Variants in ANKLE1 observed in about 807,000 individuals in gnomAD.
ANKLE1 encodes the protein structure-specific endonuclease ANKLE1.
A neutral mutation model predicts 56.2 loss-of-function variants in ANKLE1; 59 were observed. That is an observed-to-expected ratio of 1.05 (90% CI 0.85 to 1.30). The LOEUF (loss-of-function observed/expected upper bound fraction) is 1.30, where lower values mean the gene tolerates loss of function less well. Ranked by LOEUF, ANKLE1 falls within the 50% of genes most tolerant of loss-of-function variation. ANKLE1 has a pLI of 0.00. For synonymous variants in ANKLE1, 341 were observed against 352.9 expected, an observed-to-expected ratio of 0.97 and a Z score of 0.38; for missense variants, 771 against 816.1, an observed-to-expected ratio of 0.94 and a Z score of 0.67.
intron 6 of ANKLE1, among the ~76,000 whole-genome samples, chr19:17,284,720 G>GT (rs1489516011): frequency 8.8e-6 from 1 of 114,138 alleles, no homozygotes; most frequent in Non-Finnish European, 1.7e-5. Flanking sequence ...GAGTCTCACT[G>GT]TTTCGCCCAG....
chr19:17,284,852 A>AT (rs1317091264), intron 6 of ANKLE1, among the ~76,000 whole-genome samples: 2 of 147,666 alleles, frequency 1.4e-5, no homozygotes, highest in East Asian at 4.2e-4. Flanking sequence ...TGCCTGGCTA[A>AT]TTTTTTTTGT....
Position 17,282,765 on chromosome 19 carries a change from G to T in ANKLE1, c.321+4G>T. The T allele has an allele frequency of 6.4e-7, 1 of 1,552,124 alleles. No individual in the cohort carries two copies. The highest frequency in any genetic ancestry group is 2.4e-5 in the East Asian group (1 of 42,120). ...GGACCCGGCGCTGCGCGACCAGGTT[G>T]GGAGGCACTGCGCGGGCAAAGAAAG... On this transcript the variant is annotated splice_donor_region_variant and intron_variant, in intron 3 of 8. Coordinates refer to ENST00000404085, the MANE Select transcript of ANKLE1 (RefSeq NM_152363.6).
rs557312525 is a variant in ANKLE1 at position 17,282,983 on chromosome 19, G to A, written c.441G>A (p.Glu147=). The change falls in exon 4 of 9, where the codon GAG becomes GAA. Residue 147 remains glutamate (E), a synonymous_variant. Coordinates refer to ENST00000404085, the MANE Select transcript of ANKLE1 (RefSeq NM_152363.6). ...TRTRIGAETQ[E]PEPAPGTPGL... ...CCCGGATCGGGGCAGAGACTCAGGA[G>A]CCCGAGCCTGCACCTGGCAGTGAGT... 2 of 1,562,392 alleles carry A rather than the reference G, an allele frequency of 1.3e-6. No homozygotes were observed. The highest frequency in any genetic ancestry group is 4.7e-5 in the East Asian group (2 of 42,628).
rs34420350 is a variant in ANKLE1, at chr19:17,285,524, G to A, written c.1470G>A (p.Gly490=). Residue 490 remains glycine, a synonymous_variant, in exon 7 of 9, where the codon GGG becomes GGA. Coordinates refer to ENST00000404085, the MANE Select transcript of ANKLE1 (RefSeq NM_152363.6). ...FIRAIFYVGK[G]TRARPYVHLW... is the part of the protein sequence containing the mutation. ...GTGCCATCTTCTACGTGGGCAAAGG[G>A]ACGAGGGCCCGGCCATATGTCCACC... The A allele has an allele frequency of 2.4e-3, 3,947 of 1,613,894 alleles. 71 individuals carry two copies. The African/African-American group carries it at 0.042, about 17-fold the overall frequency.
In ANKLE1 at chr19:17,285,583, G is replaced by T. The variant is rs762171122; in HGVS notation, c.1529G>T (p.Arg510Ile). 1 of 1,613,970 alleles carries T rather than the reference G, an allele frequency of 6.2e-7. No individual in the cohort carries two copies. The highest frequency in any genetic ancestry group is 1.1e-5 in the South Asian group (1 of 91,084). The change falls in exon 7 of 9, where the codon AGA becomes ATA. Residue 510 changes from arginine to isoleucine, a missense_variant. Physicochemically the swap from Arg to Ile is moderately conservative, Grantham distance 97 (BLOSUM62 -3). Transcript: ENST00000404085. ...WEALGHHGRS[R>I]KQPHQACPKV... ...GCCCTTGGTCACCATGGGCGGTCAA[G>T]AAAACAGGTGTGAGGACAGGGATCA... is the stretch of plus-strand genomic sequence containing the variant.
intron 2 of ANKLE1, 24 bp downstream of exon 2, chr19:17,282,233 G>A (rs1294379438): frequency 6.8e-6 from 10 of 1,463,978 alleles, no homozygotes; most frequent in African/African-American, 2.8e-5. Context: ...TGGGTCCGGG[G>A]CGGGGTCTCC....
Position 17,284,220 on chromosome 19 carries a change from G to T in ANKLE1, c.1330G>T (p.Glu444Ter), listed in dbSNP as rs150471720. ...GCCAGATCCTGCCAGGAGGTGGCGG[G>T]AGGGGGTCGTGAAGTCTAGCTTCAC... ...EQPDPARRWR[E>*]GVVKSSFTYL... Residue 444 changes from glutamate to a stop codon, truncating the protein, a stop_gained, in exon 6 of 9, where the codon GAG becomes TAG. Coordinates refer to ENST00000404085, the MANE Select transcript of ANKLE1 (RefSeq NM_152363.6). LOFTEE classifies it high-confidence loss of function. 3.3e-5 allele frequency: 54 copies of T among 1,613,774 alleles called. No individual in the cohort carries two copies. The highest frequency in any genetic ancestry group is 3.0e-4 in the Admixed American group (18 of 59,986).
At chr19:17,282,584 C>G in intron 2 of ANKLE1, 72 bp from the exon 3 acceptor site, 1 of 1,396,256 alleles carries the variant, frequency 7.2e-7, no homozygotes, top group Non-Finnish European at 9.8e-7. Flanking sequence ...GGCTCCAGGT[C>G]CCCAGAGCGG....
At position 17,283,855 on chromosome 19, in the gene ANKLE1, T is replaced by C. The variant is rs2074003681; in HGVS notation, c.1091T>C (p.Leu364Ser). 1.9e-6 allele frequency: 3 copies of C among 1,613,598 alleles called. No homozygotes were observed. Among genetic ancestry groups the C allele is most frequent in the African/African-American group, 2.7e-5 (2 of 74,942 alleles). Reference sequence around the variant, plus strand: ...CTGCCAGTCTCCACTGTGTCTGACTTGGAGTTGCTGAAGGGACTCCGAGCA... The same window carrying C: ...CTGCCAGTCTCCACTGTGTCTGACTCGGAGTTGCTGAAGGGACTCCGAGCA... ...RHLPVSTVSD[L>S]ELLKGLRALG... The change falls in exon 5 of 9, where the codon TTG becomes TCG. Residue 364 changes from leucine to serine, a missense_variant. By Grantham distance (145) the Leu-to-Ser change is moderately radical (BLOSUM62 -2). Transcript: ENST00000404085.
intron 6 of ANKLE1, among the ~76,000 whole-genome samples, chr19:17,284,767 C>A (rs566649676): frequency 6.9e-6 from 1 of 144,068 alleles, no homozygotes; most frequent in East Asian, 2.0e-4. Flanking sequence ...CTCACTGCAA[C>A]CTCCGCCTCC....
In ANKLE1 at chr19:17,286,686, GTGTGTT is replaced by G. The variant is rs778248870; in HGVS notation, c.*140_*145del. The G allele has an allele frequency of 0.077, 67,178 of 869,770 alleles. 805 individuals carry two copies. The highest frequency in any genetic ancestry group is 0.19 in the African/African-American group (7,751 of 41,088). The allele number at this position is 869,770 out of a possible 1,614,324, so 53.9% of individuals were successfully genotyped here. On this transcript the variant is annotated 3_prime_UTR_variant, in exon 9 of 9. Transcript: ENST00000404085. ...TGTGTGTGTGTGTGTGTGTGTGTGT[GTGTGTT>G]TGTGTGTGTGTGTGTGTGTGTAGGG...
At position 17,282,820 on chromosome 19, in the gene ANKLE1, G is replaced by T. The variant is rs367689223; in HGVS notation, c.322-44G>T. The stretch of plus-strand genomic sequence containing the variant: ...GGTGAGCCCAGAGGGAGGGAAGGAA[G>T]GTAAGAGGGCCTCGGGCGCCCCCTG... On this transcript the variant is annotated intron_variant, in intron 3 of 8. Transcript: ENST00000404085. 8.5e-4 allele frequency: 1,351 copies of T among 1,582,214 alleles called. 9 individuals carry two copies. The highest frequency in any genetic ancestry group is 3.4e-4 in the Non-Finnish European group (394 of 1,170,462).
chr19:17,286,504 T>G lies in ANKLE1; in HGVS notation c.1800T>G (p.Ala600=). The G allele has an allele frequency of 6.2e-7, 1 of 1,612,206 alleles. No individual in the cohort carries two copies. Among genetic ancestry groups the G allele is most frequent in the Admixed American group, 1.7e-5 (1 of 59,850 alleles). ...ACCGTGCCCTCCTTGTCTTCCTGGC[T>G]GAAGGCGAGCGACAGCTTCATCCCC... is the stretch of plus-strand genomic sequence containing the variant. The part of the protein sequence containing the change: ...LLHRALLVFL[A]EGERQLHPQD... Residue 600 remains alanine, a synonymous_variant, in exon 9 of 9, where the codon GCT becomes GCG. Transcript: ENST00000404085.
In ANKLE1 at chr19:17,283,335, C is replaced by T. The variant is rs1449820248; in HGVS notation, c.571C>T (p.Pro191Ser). The T allele has an allele frequency of 1.2e-6, 2 of 1,613,574 alleles. No homozygotes were observed. Among genetic ancestry groups the T allele is most frequent in the Non-Finnish European group, 1.7e-6 (2 of 1,179,890 alleles). The stretch of plus-strand genomic sequence containing the variant: ...TGGCTTGGAGGCTGACCCAGGACCC[C>T]CCAGCCTCCCTGTTCCCCTTGAAAC... Reference protein sequence around the residue: ...DIGLEADPGPPSLPVPLETVD... With the variant: ...DIGLEADPGPSSLPVPLETVD... Residue 191 changes from proline (P) to serine (S), a missense_variant, in exon 5 of 9, where the codon CCC (proline) becomes TCC (serine). Transcript: ENST00000404085.
At chr19:17,283,118 A>G in intron 4 of ANKLE1, 107 bp from the exon 5 acceptor site, 36 of 1,542,052 alleles carry the variant, frequency 2.3e-5, no homozygotes, top group Non-Finnish European at 3.1e-5. Context: ...ATTTGTGGCC[A>G]GCTCTTTCGG....
Position 17,284,131 on chromosome 19 carries a change from T to C in ANKLE1, c.1241T>C (p.Leu414Pro). Residue 414 changes from leucine to proline, a missense_variant, in exon 6 of 9, where the codon CTG becomes CCG. Leu to Pro is a moderately conservative substitution (Grantham distance 98, BLOSUM62 -3). Coordinates refer to ENST00000404085, the MANE Select transcript of ANKLE1 (RefSeq NM_152363.6). ...SGHSLELAAA[L>P]RTGCIPDVQA... Reference sequence around the variant, plus strand: ...CACAGCCTAGAACTGGCTGCAGCCCTGCGGACGGGCTGTATTCCAGATGTC... The same window carrying C: ...CACAGCCTAGAACTGGCTGCAGCCCCGCGGACGGGCTGTATTCCAGATGTC... The C allele has an allele frequency of 6.2e-7, 1 of 1,613,914 alleles. No individual in the cohort carries two copies. Among genetic ancestry groups the C allele is most frequent in the Non-Finnish European group, 8.5e-7 (1 of 1,179,882 alleles).
At position 17,283,469 on chromosome 19, in the gene ANKLE1, G is replaced by A. The variant is rs771009148; in HGVS notation, c.705G>A (p.Ser235=). ...VEVSGAEDPA[S]DTPPWAGSLP... ...TCTCTGGAGCTGAGGACCCAGCCTC[G>A]GACACTCCCCCCTGGGCTGGGTCAT... The change falls in exon 5 of 9, where the codon TCG becomes TCA. Residue 235 remains serine (S), a synonymous_variant. Transcript: ENST00000404085. The A allele has an allele frequency of 2.1e-5, 34 of 1,612,902 alleles. 1 individual carries two copies. Among genetic ancestry groups the A allele is most frequent in the South Asian group, 3.3e-5 (3 of 91,072 alleles).
intron 5 of ANKLE1, 56 bp from the exon 6 acceptor site, chr19:17,284,033 C>G: frequency 6.2e-7 from 1 of 1,603,716 alleles, no homozygotes; most frequent in Non-Finnish European, 8.5e-7. Flanking sequence ...AGCTCTCAGC[C>G]CCACTTTCCT....
rs1000890879 is a variant in ANKLE1 at position 17,281,967 on chromosome 19, G to A, written c.47G>A (p.Arg16Gln). The change falls in exon 1 of 9, where the codon CGG becomes CAG. Residue 16 changes from arginine (R) to glutamine (Q), a missense_variant. Physicochemically the swap from Arg to Gln is conservative, Grantham distance 43. Coordinates refer to ENST00000404085, the MANE Select transcript of ANKLE1 (RefSeq NM_152363.6). ...GCTCGCAGGTTGCGGGATGCGCTGC[G>A]GGAGGAGGAGCCGTGGTGAGGGCGG... Reference protein sequence around the residue: ...RLARRLRDALREEEPWAVEEL... With the variant: ...RLARRLRDALQEEEPWAVEEL... The A allele has an allele frequency of 4.6e-6, 7 of 1,534,212 alleles. No individual in the cohort carries two copies. The highest frequency in any genetic ancestry group is 6.1e-6 in the Non-Finnish European group (7 of 1,145,416).
Sources: gnomAD v4.1 joint callset for allele counts (sites outside exome capture counted in the v4.1 genomes callset) on GRCh38, gnomAD v4.1.1 for gene constraint, MANE v1.5 for transcripts, NCBI Gene and HGNC (gene_info 2026-07-23, HGNC 2026-07-21) for gene names.